The following RASA3 variants were observed in gnomAD, a reference collection of about 807,000 sequenced individuals.
RASA3 encodes the protein ras GTPase-activating protein 3.
RASA3 carries 73 observed loss-of-function variants against 110.0 expected under a neutral mutation model. That is an observed-to-expected ratio of 0.66 (90% confidence interval 0.55 to 0.81). RASA3 has a LOEUF of 0.81. Among genes scored for constraint, RASA3 ranks in the 30% least tolerant of loss-of-function variants. The pLI, the probability that RASA3 is intolerant of heterozygous loss-of-function variation, is 0.00. For synonymous variants in RASA3, 500 were observed against 451.4 expected (o/e 1.11, Z -1.37); for missense variants, 976 against 1,113.2 (o/e 0.88, Z 1.75).
chr13:114,028,047 G>A (rs1002938268), intron 5 of RASA3, 120 bp from the exon 6 acceptor site: 1 of 791,514 alleles, frequency 1.3e-6, no homozygotes, highest in Non-Finnish European at 2.0e-6. Context: ...TTCCTCACCG[G>A]AAGGCAGGGA....
chr13:114,039,472 G>A (rs966631730), intron 4 of RASA3, among the ~76,000 whole-genome samples: 2 of 150,216 alleles, frequency 1.3e-5, no homozygotes, highest in Admixed American at 1.3e-4. Flanking sequence ...CCAGGAAGCC[G>A]TCCGGTGTCC....
At chr13:114,001,246 C>A (rs1185331465) in intron 18 of RASA3, among the ~76,000 whole-genome samples, 2 of 152,222 alleles carry the variant, frequency 1.3e-5, no homozygotes, top group South Asian at 4.1e-4. Flanking sequence ...GATGCTCCCA[C>A]GGCGGACCTG....
At chr13:114,082,622 G>A (rs181820728) in intron 1 of RASA3, among the ~76,000 whole-genome samples, 92 of 152,288 alleles carry the variant, frequency 6.0e-4, no homozygotes, top group African/African-American at 2.0e-3. Flanking sequence ...TCCCAGCTGC[G>A]TCCCGTCTGG....
At position 114,011,157 on chromosome 13, in the gene RASA3, G is replaced by A. The variant is rs1384686437; in HGVS notation, c.1590+14C>T. On this transcript the variant is annotated intron_variant, in intron 16 of 23. Coordinates refer to ENST00000334062, the MANE Select transcript of RASA3 (RefSeq NM_007368.4). The surrounding 1 kb of genome is among the most constrained non-coding windows in gnomAD (Gnocchi z 4.8). ...GTTGTCCCTAAAAAGAGAAAATGAA[G>A]AAGAGGGACTCACAGATTTGGACTT... 5 of 1,595,240 alleles carry A rather than the reference G, an allele frequency of 3.1e-6. No homozygotes were observed. Among genetic ancestry groups the A allele is most frequent in the Non-Finnish European group, 4.3e-6 (5 of 1,164,104 alleles).
intron 2 of RASA3, 63 bp downstream of exon 2, chr13:114,073,657 T>C: frequency 1.5e-6 from 2 of 1,332,384 alleles, no homozygotes; most frequent in South Asian, 1.2e-5. Flanking sequence ...ACGTACACCC[T>C]TGGGACATTC....
At position 114,081,463 on chromosome 13, in the gene RASA3, C is replaced by G. The variant is rs555077106; in HGVS notation, c.56-7626G>C. On this transcript the variant is annotated intron_variant, in intron 1 of 23. Transcript: ENST00000334062. The stretch of plus-strand genomic sequence containing the variant: ...AGCACATGCACTCTCGTGGTTCTGA[C>G]TGCCTGTGAATCCAGCTGGTCTACA... 9.2e-4 allele frequency among the ~76,000 whole-genome samples: 140 copies of G among 152,352 alleles called. 1 individual carries two copies. Among genetic ancestry groups the G allele is most frequent in the African/African-American group, 3.1e-3 (130 of 41,584 alleles).
chr13:113,999,145 C>G (rs78400130), intron 20 of RASA3, among the ~76,000 whole-genome samples: 6 of 92,132 alleles, frequency 6.5e-5, no homozygotes. Context: ...AGGCCACACA[C>G]GGGTCTGGGT....
At chr13:114,013,864 CTG>C (rs2053715371) in intron 14 of RASA3, among the ~76,000 whole-genome samples, 1 of 6,358 alleles carries the variant, frequency 1.6e-4, no homozygotes, top group Non-Finnish European at 3.9e-4. Context: ...GTCTCTCTCC[CTG>C]TCTCTCTCCC....
At chr13:114,025,986 C>A (rs1008570100) in intron 7 of RASA3, among the ~76,000 whole-genome samples, 1 of 152,228 alleles carries the variant, frequency 6.6e-6, no homozygotes, top group Non-Finnish European at 1.5e-5. Context: ...AAGAGCAGGG[C>A]CCCGCGCGTC....
chr13:113,990,415 G>A (rs1301160169), intron 22 of RASA3, among the ~76,000 whole-genome samples: 1 of 152,226 alleles, frequency 6.6e-6, no homozygotes, highest in Non-Finnish European at 1.5e-5. Flanking sequence ...CAGTGGTGCA[G>A]GGAGCAAGCT....
chr13:114,100,518 C>A (rs1200839486), intron 1 of RASA3, among the ~76,000 whole-genome samples: 1 of 152,246 alleles, frequency 6.6e-6, no homozygotes, highest in African/African-American at 2.4e-5. Context: ...TGGGCCCAGT[C>A]CCCCTGCGCT....
At chr13:114,058,251 G>A (rs955619555) in intron 2 of RASA3, among the ~76,000 whole-genome samples, 4 of 151,566 alleles carry the variant, frequency 2.6e-5, no homozygotes, top group African/African-American at 4.9e-5. Context: ...CCACCCACCC[G>A]GCAGGGGCCA....
chr13:113,995,694 TGGGGGGCTGGCTGAC>T (rs2053220509), intron 21 of RASA3, among the ~76,000 whole-genome samples: 3 of 56,716 alleles, frequency 5.3e-5, no homozygotes, highest in African/African-American at 8.1e-5. Flanking sequence ...GCCCGGCTGA[TGGGGGGCTGGCTGAC>T]GGAGGACCCA....
intron 2 of RASA3, among the ~76,000 whole-genome samples, chr13:114,053,055 ACCCCCAC>A: frequency 7.2e-6 from 1 of 138,260 alleles, no homozygotes; most frequent in African/African-American, 2.8e-5. Flanking sequence ...TGGGGAAGAG[ACCCCCAC>A]TGCTGACTGT....
At chr13:114,003,912 C>T (rs909329176) in intron 18 of RASA3, among the ~76,000 whole-genome samples, 11 of 152,142 alleles carry the variant, frequency 7.2e-5, no homozygotes, top group African/African-American at 2.4e-4. Context: ...CTGTGTGTGC[C>T]CTTGCCATTA....
Position 114,011,185 on chromosome 13 carries a change from A to G in RASA3, c.1576T>C (p.Ser526Pro). Residue 526 changes from serine (S) to proline (P), a missense_variant, in exon 16 of 24, where the codon TCC becomes CCC. Ser to Pro is a moderately conservative substitution (Grantham distance 74). Transcript: ENST00000334062. This position sits in a 1 kb window ranked among gnomAD's most constrained non-coding sequence, Gnocchi z 4.8. ...SKTVQTLGSL[S>P]KSKSASFKES... ...GAGGGACTCACAGATTTGGACTTGG[A>G]CAGGCTGCCGAGGGTCTGAACGGTC... is the stretch of plus-strand genomic sequence containing the variant. 3 of 1,612,330 alleles carry G rather than the reference A, an allele frequency of 1.9e-6. No individual in the cohort carries two copies. The highest frequency in any genetic ancestry group is 2.5e-6 in the Non-Finnish European group (3 of 1,179,138).
At position 114,017,232 on chromosome 13, in the gene RASA3, C is replaced by T. The variant is rs1251058201; in HGVS notation, c.1206+5G>A. ...GAGGCTGAGGACTCTCGGCCCCGTG[C>T]TCACCTCCTCGATGGCGGGCTTCAG... On this transcript the variant is annotated splice_donor_5th_base_variant and intron_variant, in intron 12 of 23. Transcript: ENST00000334062. 4 of 1,612,000 alleles carry T rather than the reference C, an allele frequency of 2.5e-6. No homozygotes were observed. In the East Asian group the frequency reaches 8.9e-5, roughly 36 times the overall value.
In RASA3 at chr13:113,996,533, A is replaced by G; in HGVS notation, c.2139T>C (p.Thr713=). The part of the protein sequence containing the change: ...SDSAPGCSPC[T]GGLPANIQLD... ...TGGGCACCGAGGCACAGACCTACCCAGTGCAGGGCGAGCAGCCCGGAGCCG... is the reference window on the plus strand; with the variant it reads ...TGGGCACCGAGGCACAGACCTACCCGGTGCAGGGCGAGCAGCCCGGAGCCG... The change falls in exon 21 of 24, where the codon ACT becomes ACC. Residue 713 remains threonine, a splice_region_variant and synonymous_variant. Transcript: ENST00000334062. 1 of 1,611,812 alleles carries G rather than the reference A, an allele frequency of 6.2e-7. No individual in the cohort carries two copies. The highest frequency in any genetic ancestry group is 8.5e-7 in the Non-Finnish European group (1 of 1,179,686).
intron 1 of RASA3, among the ~76,000 whole-genome samples, chr13:114,099,523 G>A (rs567617968): frequency 4.6e-5 from 7 of 151,670 alleles, no homozygotes; most frequent in East Asian, 3.9e-4. Flanking sequence ...TTCACACAGC[G>A]CGTCTCCCTC....
Sources: allele counts gnomAD v4.1 joint callset (sites outside exome capture counted in the v4.1 genomes callset), GRCh38; gene constraint gnomAD v4.1.1; non-coding constraint Gnocchi (gnomAD v3.1); transcripts MANE v1.5; gene names NCBI Gene and HGNC (gene_info 2026-07-23, HGNC 2026-07-21).